The following ASCC2 variants were observed in gnomAD, a reference collection of about 807,000 sequenced individuals.
ASCC2 encodes the protein activating signal cointegrator 1 complex subunit 2.
ASCC2 carries 42 observed loss-of-function variants against 93.5 expected under a neutral mutation model. That is an observed-to-expected ratio of 0.45 (90% CI 0.35 to 0.58). The LOEUF is 0.58. Among genes scored for constraint, ASCC2 ranks in the 20% least tolerant of loss-of-function variants. ASCC2 has a pLI of 0.00. For synonymous variants in ASCC2, 364 were observed against 384.2 expected (o/e 0.95, Z 0.62); for missense variants, 859 against 977.6 (o/e 0.88, Z 1.62).
rs773964162 is a variant in ASCC2, at chr22:29,802,029, G to C, written c.1533C>G (p.Ala511=). Residue 511 remains alanine, a synonymous_variant, in exon 14 of 20, where the codon GCC becomes GCG. Coordinates refer to ENST00000307790, the MANE Select transcript of ASCC2 (RefSeq NM_032204.5). The stretch of plus-strand genomic sequence containing the variant: ...TGCGGTCCAGCTGGCTGAGGGTGGG[G>C]GCCAGCCGCTCCTCCAGGATATTGT... ...VINNILEERL[A]PTLSQLDRNL... 7.5e-6 allele frequency: 12 copies of C among 1,608,844 alleles called. No homozygotes were observed. Among genetic ancestry groups the C allele is most frequent in the Non-Finnish European group, 1.0e-5 (12 of 1,177,412 alleles).
intron 2 of ASCC2, among the ~76,000 whole-genome samples, chr22:29,827,061 G>A (rs2062438353): frequency 7.8e-6 from 1 of 128,266 alleles, no homozygotes; most frequent in Non-Finnish European, 1.5e-5. Flanking sequence ...TCACGCCACT[G>A]CACCCCAGCC....
chr22:29,794,171 C>T (rs1041721001), intron 15 of ASCC2, among the ~76,000 whole-genome samples: 1 of 150,804 alleles, frequency 6.6e-6, no homozygotes, highest in African/African-American at 2.4e-5. Context: ...AGGTGTGAGC[C>T]GCTGCGCCCG....
chr22:29,806,357 G>A, intron 11 of ASCC2, 67 bp from the exon 12 acceptor site: 2 of 1,580,898 alleles, frequency 1.3e-6, no homozygotes, highest in South Asian at 1.1e-5. Context: ...GCTGCTGCAG[G>A]CCACTCCCTG....
At chr22:29,790,090 GTGTC>G (rs570175948) in intron 19 of ASCC2, among the ~76,000 whole-genome samples, 206 of 152,320 alleles carry the variant, frequency 1.4e-3, no homozygotes, top group African/African-American at 4.6e-3. Flanking sequence ...GGATGTGTCT[GTGTC>G]TGTCTGAGCT....
intron 2 of ASCC2, among the ~76,000 whole-genome samples, chr22:29,826,585 A>G (rs1374318499): frequency 6.6e-6 from 1 of 152,260 alleles, no homozygotes; most frequent in East Asian, 1.9e-4. Flanking sequence ...TGCTAGGATT[A>G]CAGGTTTGAG....
At chr22:29,820,972 C>T (rs1172219419) in intron 5 of ASCC2, among the ~76,000 whole-genome samples, 1 of 150,942 alleles carries the variant, frequency 6.6e-6, no homozygotes, top group East Asian at 1.9e-4. Context: ...AGGGATAACT[C>T]AGTTTTGTAA....
chr22:29,838,186 C>CTCCA lies in ASCC2; in HGVS notation c.-30_-27dup, dbSNP rs1459687317. On this transcript the variant is annotated 5_prime_UTR_variant, in exon 1 of 20. The change creates a new upstream start codon in the 5' untranslated region. Coordinates refer to ENST00000307790, the MANE Select transcript of ASCC2 (RefSeq NM_032204.5). ...ACCAGCCACGCACTCACCTCGGCGG[C>CTCCA]TCCACCACCGGCTCTGTGCCGCCGC... 4 of 456,212 alleles carry CTCCA rather than the reference C, an allele frequency of 8.8e-6. No individual in the cohort carries two copies. Among genetic ancestry groups the CTCCA allele is most frequent in the South Asian group, 6.2e-5 (4 of 64,944 alleles). The allele number at this position is 456,212 out of a possible 1,614,324, so 28.3% of individuals were successfully genotyped here. A position where few individuals can be genotyped will look rare whatever the true frequency, so the allele number is the denominator to read the frequency against.
Position 29,824,971 on chromosome 22 carries a change from G to A in ASCC2, c.411+116C>T, listed in dbSNP as rs1027085194. 7.8e-6 allele frequency: 8 copies of A among 1,024,400 alleles called. No homozygotes were observed. The East Asian group carries it at 8.7e-5, about 11-fold the overall frequency. The allele number at this position is 1,024,400 out of a possible 1,614,324, so 63.5% of individuals were successfully genotyped here. ...TTCCCCAACAGTGGGAATAAAGATG[G>A]AAGAGAGACAAAGAGGAAACTCAAT... On this transcript the variant is annotated intron_variant, in intron 4 of 19. Coordinates refer to ENST00000307790, the MANE Select transcript of ASCC2 (RefSeq NM_032204.5).
chr22:29,818,403 T>TACACCTAC (rs2061134135), intron 5 of ASCC2, among the ~76,000 whole-genome samples: 2 of 108,030 alleles, frequency 1.9e-5, no homozygotes, highest in Non-Finnish European at 3.7e-5. Flanking sequence ...ACTCCCTGCC[T>TACACCTAC]ACACACACAC....
intron 6 of ASCC2, 64 bp from the exon 7 acceptor site, chr22:29,814,831 A>T: frequency 3.8e-6 from 5 of 1,323,184 alleles, no homozygotes; most frequent in Non-Finnish European, 5.3e-6. Flanking sequence ...CCCTGGCAGC[A>T]GCCAGGGTCA....
chr22:29,801,965 G>T, intron 14 of ASCC2, 29 bp downstream of exon 14: 1 of 1,553,902 alleles, frequency 6.4e-7, no homozygotes, highest in South Asian at 1.2e-5. Context: ...CCTGGGCAGC[G>T]GGAGCCTCCT....
rs539551425 is a variant in ASCC2, at chr22:29,833,879, C to CTT, written c.-17-1539_-17-1538dup. Among the ~76,000 whole-genome samples, 72 of 139,552 alleles carry CTT rather than the reference C, an allele frequency of 5.2e-4. 1 individual carries two copies. Among genetic ancestry groups the CTT allele is most frequent in the East Asian group, 2.9e-3 (14 of 4,766 alleles). The allele number at this position is 139,552 out of a possible 152,430, so 91.6% of individuals were successfully genotyped here. A position where few individuals can be genotyped will look rare whatever the true frequency, so the allele number is the denominator to read the frequency against. On this transcript the variant is annotated intron_variant, in intron 1 of 19. Coordinates refer to ENST00000307790, the MANE Select transcript of ASCC2 (RefSeq NM_032204.5). Reference sequence around the variant, plus strand: ...AGCTCCTCTAAGTGCTTTTCTTTTTCTTTTTTTTTTTTTTTTAAATAGAGA... The same window carrying CTT: ...AGCTCCTCTAAGTGCTTTTCTTTTTCTTTTTTTTTTTTTTTTTTAAATAGAGA...
At chr22:29,790,129 T>C (rs2068790961) in intron 19 of ASCC2, among the ~76,000 whole-genome samples, 1 of 152,190 alleles carries the variant, frequency 6.6e-6, no homozygotes, top group South Asian at 2.1e-4. Flanking sequence ...CTCTGCCTGA[T>C]ATCAGCTAGC....
At position 29,836,674 on chromosome 22, in the gene ASCC2, C is replaced by T. The variant is rs370997944; in HGVS notation, c.-18+1504G>A. Among the ~76,000 whole-genome samples the T allele has an allele frequency of 1.0e-3, 156 of 152,186 alleles. 1 individual carries two copies. The highest frequency in any genetic ancestry group is 3.7e-3 in the African/African-American group (153 of 41,560). On this transcript the variant is annotated intron_variant, in intron 1 of 19. Transcript: ENST00000307790. The stretch of plus-strand genomic sequence containing the variant: ...CTCCCGGGTTCAAGAGATTCTCCTG[C>T]CTCAGCCTCCCGAGTAGCTGGGAAT...
intron 8 of ASCC2, among the ~76,000 whole-genome samples, chr22:29,813,199 A>AT (rs1311141034): frequency 1.3e-5 from 2 of 151,648 alleles, no homozygotes; most frequent in East Asian, 3.9e-4. Flanking sequence ...GTGTGTGTGT[A>AT]TTTTTTTTCC....
At position 29,825,852 on chromosome 22, in the gene ASCC2, A is replaced by G; in HGVS notation, c.82-72T>C. The G allele has an allele frequency of 1.3e-6, 2 of 1,524,754 alleles. No homozygotes were observed. The highest frequency in any genetic ancestry group is 2.6e-5 in the South Asian group (2 of 78,390). 94.5% of individuals were successfully genotyped at this position (1,524,754 alleles called of 1,614,324 possible). On this transcript the variant is annotated intron_variant, in intron 2 of 19. Coordinates refer to ENST00000307790, the MANE Select transcript of ASCC2 (RefSeq NM_032204.5). The surrounding 1 kb of genome is among the most constrained non-coding windows in gnomAD (Gnocchi z 4.9). ...GAGGGCCCATTTGCCAACCCACAGC[A>G]ATGACAACACTTGGCTGTTCCAACC...
intron 19 of ASCC2, among the ~76,000 whole-genome samples, chr22:29,789,961 C>T (rs2068755126): frequency 6.6e-6 from 1 of 152,200 alleles, no homozygotes; most frequent in Non-Finnish European, 1.5e-5. Context: ...AGATCCCTCT[C>T]CTGACCACGC....
At position 29,822,236 on chromosome 22, in the gene ASCC2, T is replaced by G; in HGVS notation, c.541+99A>C. ...CCAAGACTCCCTGCCCCTATCGCCC[T>G]GAGTCCCTGGGCACTGTCAAAGCGC... On this transcript the variant is annotated intron_variant, in intron 5 of 19. Coordinates refer to ENST00000307790, the MANE Select transcript of ASCC2 (RefSeq NM_032204.5). The G allele has an allele frequency of 2.0e-6, 3 of 1,505,270 alleles. No homozygotes were observed. The South Asian group carries it at 3.6e-5, about 18-fold the overall frequency. 93.2% of individuals were successfully genotyped at this position (1,505,270 alleles called of 1,614,324 possible). A position where few individuals can be genotyped will look rare whatever the true frequency, so the allele number is the denominator to read the frequency against.
intron 2 of ASCC2, 47 bp downstream of exon 2, chr22:29,832,198 G>GC (rs1212297483): frequency 3.3e-6 from 5 of 1,521,156 alleles, no homozygotes; most frequent in African/African-American, 1.4e-5. Flanking sequence ...TCCTGAAATT[G>GC]CAAGACTGAC....
Sources: allele counts gnomAD v4.1 joint callset (sites outside exome capture counted in the v4.1 genomes callset), GRCh38; gene constraint gnomAD v4.1.1; non-coding constraint Gnocchi (gnomAD v3.1); transcripts MANE v1.5; gene names NCBI Gene and HGNC (gene_info 2026-07-23, HGNC 2026-07-21).